The following CDH12 variants were observed in gnomAD, a reference collection of about 807,000 sequenced individuals.
CDH12 encodes the protein cadherin-12.
In CDH12, 41 loss-of-function variants were observed where a neutral mutation model predicts 74.1. The observed-to-expected ratio is 0.55, with a 90% CI of 0.43 to 0.72. The LOEUF (loss-of-function observed/expected upper bound fraction) is 0.72. Ranked by LOEUF, CDH12 falls within the 30% of genes least tolerant of loss-of-function variation. CDH12 has a pLI of 0.00. For missense variants in CDH12, 945 were observed against 977.2 expected (o/e 0.97, Z 0.44); for synonymous variants, 399 against 355.0 (o/e 1.12, Z -1.39).
chr5:22,056,527 A>G (rs1245877986), intron 5 of CDH12, among the ~76,000 whole-genome samples: 1 of 152,210 alleles, frequency 6.6e-6, no homozygotes, highest in Admixed American at 6.6e-5. Context: ...ATAATCGTGG[A>G]AATGAGAATC....
chr5:22,024,656 G>A (rs927129020), intron 5 of CDH12, among the ~76,000 whole-genome samples: 3 of 152,068 alleles, frequency 2.0e-5, no homozygotes, highest in Non-Finnish European at 4.4e-5. Flanking sequence ...GGGATTACAG[G>A]CACATGCTAC....
At chr5:22,447,629 T>C (rs1489876411) in intron 2 of CDH12, among the ~76,000 whole-genome samples, 5 of 152,092 alleles carry the variant, frequency 3.3e-5, no homozygotes, top group Admixed American at 1.3e-4. Context: ...TCTTAAACTA[T>C]TTTTTAAATT....
chr5:22,429,082 G>A (rs1177535887), intron 2 of CDH12, among the ~76,000 whole-genome samples: 1 of 151,326 alleles, frequency 6.6e-6, no homozygotes, highest in African/African-American at 2.4e-5. Context: ...TTTCCCGTCA[G>A]TTAATATCCC....
chr5:21,802,293 T>C lies in CDH12; in HGVS notation c.1130A>G (p.Asp377Gly). The C allele has an allele frequency of 1.2e-6, 2 of 1,613,862 alleles. No homozygotes were observed. The highest frequency in any genetic ancestry group is 8.5e-7 in the Non-Finnish European group (1 of 1,179,962). Residue 377 changes from aspartate (D) to glycine (G), a missense_variant, in exon 10 of 15, where the codon GAC (aspartate) becomes GGC (glycine). Coordinates refer to ENST00000382254, the MANE Select transcript of CDH12 (RefSeq NM_004061.5). ...DTATVKISVL[D>G]VDEPPVFSKP... ...GCTGAAAACCGGTGGCTCATCTACG[T>C]CCAGCACGCTGATCTTCACCGTAGC... is the stretch of plus-strand genomic sequence containing the variant.
chr5:22,572,821 T>C (rs952154834), intron 1 of CDH12, among the ~76,000 whole-genome samples: 9 of 152,196 alleles, frequency 5.9e-5, no homozygotes, highest in East Asian at 1.9e-4. Context: ...AAAGCACCTT[T>C]AGACAAATCC....
intron 3 of CDH12, among the ~76,000 whole-genome samples, chr5:22,376,005 C>A (rs997595147): frequency 6.6e-6 from 1 of 152,170 alleles, no homozygotes; most frequent in Non-Finnish European, 1.5e-5. Context: ...GGGACACCTG[C>A]ACTTGCATGT....
intron 6 of CDH12, among the ~76,000 whole-genome samples, chr5:21,893,822 A>G (rs1411895103): frequency 6.6e-6 from 1 of 152,198 alleles, no homozygotes; most frequent in African/African-American, 2.4e-5. Context: ...AAGTGTACCA[A>G]CTGAAATGGC....
chr5:21,820,081 C>T (rs1748280842), intron 8 of CDH12, among the ~76,000 whole-genome samples: 1 of 151,602 alleles, frequency 6.6e-6, no homozygotes, highest in Admixed American at 6.6e-5. Flanking sequence ...TGAGATCCTC[C>T]AATATGGGGG....
chr5:21,821,431 C>T (rs1748366074), intron 8 of CDH12, among the ~76,000 whole-genome samples: 1 of 151,570 alleles, frequency 6.6e-6, no homozygotes, highest in South Asian at 2.1e-4. Context: ...CATTCAATGA[C>T]ACCAATAGCA....
chr5:22,456,447 T>C (rs1000193077), intron 2 of CDH12, among the ~76,000 whole-genome samples: 3 of 152,150 alleles, frequency 2.0e-5, no homozygotes, highest in Admixed American at 1.3e-4. Flanking sequence ...ACTCTTAGTA[T>C]ATTAAACACA....
chr5:22,203,473 A>G (rs1376654403), intron 4 of CDH12, among the ~76,000 whole-genome samples: 17 of 152,100 alleles, frequency 1.1e-4, no homozygotes, highest in Non-Finnish European at 1.9e-4. Context: ...TATATACCAC[A>G]TTTTCCTTGT....
chr5:21,962,401 G>C (rs35566358), intron 6 of CDH12, among the ~76,000 whole-genome samples: 2,713 of 152,182 alleles, frequency 0.018, 35 homozygotes, highest in Non-Finnish European at 0.03. Flanking sequence ...TTTTGCACTT[G>C]TTACTTCAAC....
chr5:22,247,913 T>G (rs1484600035), intron 3 of CDH12, among the ~76,000 whole-genome samples: 1 of 152,158 alleles, frequency 6.6e-6, no homozygotes, highest in Non-Finnish European at 1.5e-5. Flanking sequence ...AAATCTTCCA[T>G]GGGTCCATAA....
chr5:22,226,148 T>G (rs910877921), intron 3 of CDH12, among the ~76,000 whole-genome samples: 1 of 151,820 alleles, frequency 6.6e-6, no homozygotes, highest in South Asian at 2.1e-4. Flanking sequence ...GAAATACAAG[T>G]GTAAAGATAT....
chr5:22,502,155 C>A (rs141000905), intron 2 of CDH12, among the ~76,000 whole-genome samples: 2 of 152,140 alleles, frequency 1.3e-5, no homozygotes, highest in African/African-American at 4.8e-5. Context: ...AGTTGTAGTT[C>A]CTATAACTCC....
At chr5:22,457,801 G>A (rs1745343620) in intron 2 of CDH12, among the ~76,000 whole-genome samples, 1 of 152,080 alleles carries the variant, frequency 6.6e-6, no homozygotes, top group Admixed American at 6.5e-5. Flanking sequence ...CTGGAGTGCA[G>A]TGGTGCGATC....
intron 3 of CDH12, among the ~76,000 whole-genome samples, chr5:22,366,513 T>G (rs1394396631): frequency 6.6e-6 from 1 of 152,110 alleles, no homozygotes; most frequent in Admixed American, 6.5e-5. Flanking sequence ...GGAGATAAAG[T>G]TTAGAAAAAT....
intron 8 of CDH12, among the ~76,000 whole-genome samples, chr5:21,834,473 A>G: frequency 6.6e-6 from 1 of 151,944 alleles, no homozygotes; most frequent in East Asian, 1.9e-4. Flanking sequence ...GAAGAAAAGC[A>G]TGGCCCTAAA....
intron 5 of CDH12, among the ~76,000 whole-genome samples, chr5:22,025,573 G>A (rs1457456414): frequency 6.6e-6 from 1 of 152,106 alleles, no homozygotes; most frequent in African/African-American, 2.4e-5. Context: ...CTGAAGGCTG[G>A]GTTGGCTGCA....
Sources: gnomAD v4.1 joint callset for allele counts (sites outside exome capture counted in the v4.1 genomes callset) on GRCh38, gnomAD v4.1.1 for gene constraint, MANE v1.5 for transcripts, NCBI Gene and HGNC (gene_info 2026-07-23, HGNC 2026-07-21) for gene names.